KAZALD1: variants seen among roughly 807,000 people sequenced by gnomAD.
KAZALD1 encodes the protein kazal-type serine protease inhibitor domain-containing protein 1.
A neutral mutation model predicts 27.7 loss-of-function variants in KAZALD1; 31 were observed. The ratio of observed to expected loss-of-function variants is 1.12; its 90% CI spans 0.84 to 1.51. KAZALD1 has a LOEUF of 1.51. Ranked by LOEUF, KAZALD1 falls within the 40% of genes most tolerant of loss-of-function variation. KAZALD1 has a pLI of 0.00. For missense variants in KAZALD1, 444 were observed against 408.9 expected, an observed-to-expected ratio of 1.09 and a Z score of -0.74; for synonymous variants, 179 against 182.0, an observed-to-expected ratio of 0.98 and a Z score of 0.13.
rs755678479 is a variant in KAZALD1 at position 101,064,506 on chromosome 10, G to A, written c.678G>A (p.Arg226=). 1.2e-6 allele frequency: 2 copies of A among 1,614,046 alleles called. No homozygotes were observed. Among genetic ancestry groups the A allele is most frequent in the Admixed American group, 1.7e-5 (1 of 60,008 alleles). ...GDDPHISVQF[R]GGPQRFEVTG... The stretch of plus-strand genomic sequence containing the variant: ...GATTCCTTGCCTGGCTCCAGTTTAG[G>A]GGTGGACCCCAGAGGTTTGAGGTGA... Residue 226 remains arginine (R), a synonymous_variant, in exon 4 of 5, where the codon AGG becomes AGA. Coordinates refer to ENST00000370200, the MANE Select transcript of KAZALD1 (RefSeq NM_030929.5).
At chr10:101,067,699 T>G, downstream of KAZALD1, 5 of 353,922 alleles carry the variant, frequency 1.4e-5, no homozygotes, top group South Asian at 1.1e-4. Flanking sequence ...CTGGTATAAC[T>G]GAGGGTGTCC....
In KAZALD1 at chr10:101,062,562, C is replaced by T. The variant is rs759730151; in HGVS notation, c.-31C>T. On this transcript the variant is annotated 5_prime_UTR_variant, in exon 2 of 5. Coordinates refer to ENST00000370200, the MANE Select transcript of KAZALD1 (RefSeq NM_030929.5). ...GGCAGGGTGCCCGAACGCGCTGATG[C>T]CCCGAGTGCTCGCAGGGCTTCCCGC... 7.6e-6 allele frequency: 12 copies of T among 1,573,638 alleles called. No homozygotes were observed. The East Asian group carries it at 2.5e-4, about 33-fold the overall frequency.
intron 4 of KAZALD1, 87 bp from the exon 5 acceptor site, chr10:101,064,739 C>T: frequency 1.2e-6 from 2 of 1,600,436 alleles, no homozygotes; most frequent in Admixed American, 1.7e-5. Flanking sequence ...TCTGTATACA[C>T]AAGCATAGCC....
rs1039559827 is a variant in KAZALD1, at chr10:101,065,431, T to G, written c.*511T>G. 3 of 169,820 alleles carry G rather than the reference T, an allele frequency of 1.8e-5. No homozygotes were observed. The highest frequency in any genetic ancestry group is 7.2e-5 in the African/African-American group (3 of 41,528). The allele number at this position is 169,820 out of a possible 1,614,324, so 10.5% of individuals were successfully genotyped here. On this transcript the variant is annotated 3_prime_UTR_variant, in exon 5 of 5. Transcript: ENST00000370200. ...GTTGCACCTACTAACTGCAGTCCCT[T>G]TTGCTGTCTGCCGTCTTTTGTACAA...
Position 101,066,493 on chromosome 10 carries a change from G to A in KAZALD1, c.*1573G>A, listed in dbSNP as rs1939325775. 2.2e-6 allele frequency: 1 copy of A among 456,538 alleles called. No homozygotes were observed. Among genetic ancestry groups the A allele is most frequent in the African/African-American group, 2.0e-5 (1 of 50,218 alleles). 28.3% of individuals were successfully genotyped at this position (456,538 alleles called of 1,614,324 possible). ...CTAGGAGCCGCGCACAACAGCGCAAGCGGGCTGGATACCGGGAGCCGATTC... is the reference window on the plus strand; with the variant it reads ...CTAGGAGCCGCGCACAACAGCGCAAACGGGCTGGATACCGGGAGCCGATTC... On this transcript the variant is annotated 3_prime_UTR_variant, in exon 5 of 5. Coordinates refer to ENST00000370200, the MANE Select transcript of KAZALD1 (RefSeq NM_030929.5).
Position 101,064,959 on chromosome 10 carries a change from T to G in KAZALD1, c.*39T>G, listed in dbSNP as rs762452970. ...GCCCATGGGGGTGGGTGAGCGGCTA[T>G]AGTGTTCATCCCTGCTCTTGAAAAG... On this transcript the variant is annotated 3_prime_UTR_variant, in exon 5 of 5. Coordinates refer to ENST00000370200, the MANE Select transcript of KAZALD1 (RefSeq NM_030929.5). 8.4e-6 allele frequency: 12 copies of G among 1,432,978 alleles called. No homozygotes were observed. The highest frequency in any genetic ancestry group is 8.9e-6 in the Non-Finnish European group (9 of 1,015,874). The allele number at this position is 1,432,978 out of a possible 1,614,324, so 88.8% of individuals were successfully genotyped here. A position where few individuals can be genotyped will look rare whatever the true frequency, so the allele number is the denominator to read the frequency against.
chr10:101,066,683 A>G lies in KAZALD1; in HGVS notation c.*1763A>G, dbSNP rs939432409. 19 of 359,718 alleles carry G rather than the reference A, an allele frequency of 5.3e-5. No homozygotes were observed. The East Asian group carries it at 1.4e-3, about 27-fold the overall frequency. The allele number at this position is 359,718 out of a possible 1,614,324, so 22.3% of individuals were successfully genotyped here. ...CTTGTTCTTCGCCCAGCTGGGCTCC[A>G]AGACGCCCTCTGCGGGCCCATAGCT... is the stretch of plus-strand genomic sequence containing the variant. On this transcript the variant is annotated 3_prime_UTR_variant, in exon 5 of 5. Transcript: ENST00000370200.
downstream of KAZALD1, chr10:101,067,689 C>T: frequency 2.9e-6 from 1 of 346,422 alleles, no homozygotes; most frequent in Non-Finnish European, 5.8e-6. Context: ...CGCAGCCGTG[C>T]TGGTATAACT....
In KAZALD1 at chr10:101,064,649, G is replaced by A. The variant is rs1386497035; in HGVS notation, c.820+1G>A. The A allele has an allele frequency of 4.3e-6, 7 of 1,613,364 alleles. No individual in the cohort carries two copies. The highest frequency in any genetic ancestry group is 5.9e-6 in the Non-Finnish European group (7 of 1,180,032). ...GCTAGCTTGACAGTGCTCACACCTG[G>A]TAAGGGGATTCCTGAGTTCTGGGGG... is the stretch of plus-strand genomic sequence containing the variant. On this transcript the variant is annotated splice_donor_variant, in intron 4 of 4. Transcript: ENST00000370200. LOFTEE classifies it high-confidence loss of function.
rs975084004 is a variant in KAZALD1, at chr10:101,066,245, C to G, written c.*1325C>G. 3.1e-5 allele frequency: 11 copies of G among 360,640 alleles called. No individual in the cohort carries two copies. The highest frequency in any genetic ancestry group is 5.6e-5 in the Non-Finnish European group (10 of 177,514). 22.3% of individuals were successfully genotyped at this position (360,640 alleles called of 1,614,324 possible). On this transcript the variant is annotated 3_prime_UTR_variant, in exon 5 of 5. Coordinates refer to ENST00000370200, the MANE Select transcript of KAZALD1 (RefSeq NM_030929.5). Reference sequence around the variant, plus strand: ...GGGCTCCACCCGGATCCTGGCGCCACTGCGGGAGGGCCTGCCCTTGGCTCA... The same window carrying G: ...GGGCTCCACCCGGATCCTGGCGCCAGTGCGGGAGGGCCTGCCCTTGGCTCA...
At chr10:101,067,826 A>G, downstream of KAZALD1, 1 of 431,670 alleles carries the variant, frequency 2.3e-6, no homozygotes, top group Non-Finnish European at 4.8e-6. Flanking sequence ...AGCCCGAGAG[A>G]TGAACCCGAC....
At position 101,064,864 on chromosome 10, in the gene KAZALD1, CTA is replaced by C. The variant is rs1285890603; in HGVS notation, c.860_861del (p.Leu287GlnfsTer5). The C allele has an allele frequency of 6.2e-7, 1 of 1,614,180 alleles. No individual in the cohort carries two copies. Among genetic ancestry groups the C allele is most frequent in the Admixed American group, 1.7e-5 (1 of 60,024 alleles). Reference protein sequence around the residue: ...NSTGIPQLRSLNLVPEEEAES... With the variant: ...NSTGIPQLRSXNLVPEEEAES... ...TACAGGCATCCCCCAGCTGCGATCA[CTA>C]AACCTGGTTCCTGAGGAGGAGGCTG... On this transcript the variant is annotated frameshift_variant, in exon 5 of 5. Coordinates refer to ENST00000370200, the MANE Select transcript of KAZALD1 (RefSeq NM_030929.5). LOFTEE classifies it high-confidence loss of function.
At position 101,062,980 on chromosome 10, in the gene KAZALD1, T is replaced by C. The variant is rs554605498; in HGVS notation, c.388T>C (p.Ser130Pro). The change falls in exon 2 of 5, where the codon TCG becomes CCG. Residue 130 changes from serine (S) to proline (P), a missense_variant. Transcript: ENST00000370200. ...GCCGGAACCTCTGTGTGCCTGTCGTTCGCAGAGTCCGCTCTGCGGGTCCGA... is the reference window on the plus strand; with the variant it reads ...GCCGGAACCTCTGTGTGCCTGTCGTCCGCAGAGTCCGCTCTGCGGGTCCGA... ...EVPEPLCACRSQSPLCGSDGH... is the reference protein window; with the variant it reads ...EVPEPLCACRPQSPLCGSDGH... 2.0e-5 allele frequency: 32 copies of C among 1,601,494 alleles called. No homozygotes were observed. Among genetic ancestry groups the C allele is most frequent in the Non-Finnish European group, 2.5e-5 (30 of 1,179,408 alleles).
chr10:101,062,360 T>C (rs1939179270), intron 1 of KAZALD1, among the ~76,000 whole-genome samples, 182 bp from the exon 2 acceptor site: 1 of 152,204 alleles, frequency 6.6e-6, no homozygotes, highest in Non-Finnish European at 1.5e-5. Context: ...GCCCAACTGA[T>C]TGCTAACTGC....
At chr10:101,067,349 A>G (rs1939350720), downstream of KAZALD1, 1 of 456,228 alleles carries the variant, frequency 2.2e-6, no homozygotes, top group South Asian at 1.5e-5. Context: ...CCCACCTCCA[A>G]GATTTTAAGT....
At chr10:101,067,423 G>A (rs1016210107), downstream of KAZALD1, 1 of 413,892 alleles carries the variant, frequency 2.4e-6, no homozygotes, top group South Asian at 1.7e-5. Context: ...TCCGGAGTCC[G>A]GACAAACCGG....
chr10:101,064,730 CTG>C (rs765347115), intron 4 of KAZALD1, 82 bp downstream of exon 4: 182 of 1,603,064 alleles, frequency 1.1e-4, no homozygotes, highest in Non-Finnish European at 1.4e-4. Context: ...GACCATGTGT[CTG>C]TATACACAAG....
rs1346837258 is a variant in KAZALD1, at chr10:101,066,410, C to T, written c.*1490C>T. 1 of 456,674 alleles carries T rather than the reference C, an allele frequency of 2.2e-6. No homozygotes were observed. The highest frequency in any genetic ancestry group is 4.4e-6 in the Non-Finnish European group (1 of 226,992). The allele number at this position is 456,674 out of a possible 1,614,324, so 28.3% of individuals were successfully genotyped here. ...TACTCCATCTACTGCTGGCTTGCCC[C>T]GGGTCCTTAAGCCAGCGACAGTTTT... On this transcript the variant is annotated 3_prime_UTR_variant, in exon 5 of 5. Transcript: ENST00000370200.
chr10:101,067,481 G>A (rs1939354276), downstream of KAZALD1: 1 of 367,064 alleles, frequency 2.7e-6, no homozygotes, highest in Non-Finnish European at 5.4e-6. Flanking sequence ...GAGGCTTCCA[G>A]GTCTCGGCCG....
Sources: allele counts gnomAD v4.1 joint callset (sites outside exome capture counted in the v4.1 genomes callset), GRCh38; gene constraint gnomAD v4.1.1; transcripts MANE v1.5; gene names NCBI Gene and HGNC (gene_info 2026-07-23, HGNC 2026-07-21).